Variants in ABHD2 observed in about 807,000 individuals in gnomAD.
ABHD2 encodes the protein monoacylglycerol lipase ABHD2.
ABHD2 carries 20 observed loss-of-function variants against 48.1 expected under a neutral mutation model. The ratio of observed to expected loss-of-function variants is 0.42; its 90% confidence interval spans 0.29 to 0.60. The LOEUF (loss-of-function observed/expected upper bound fraction) is 0.60, where lower values mean the gene tolerates loss of function less well. Ranked by LOEUF, ABHD2 falls within the 20% of genes least tolerant of loss-of-function variation. The pLI, the probability that ABHD2 is intolerant of heterozygous loss-of-function variation, is 0.24. For synonymous variants in ABHD2, 209 were observed against 214.2 expected, an observed-to-expected ratio of 0.98 and a Z score of 0.21; for missense variants, 405 against 550.9, an observed-to-expected ratio of 0.74 and a Z score of 2.65.
chr15:89,074,145 A>G, the ABHD2 span, among the ~76,000 whole-genome samples: 1 of 152,162 alleles, frequency 6.6e-6, no homozygotes, highest in Non-Finnish European at 1.5e-5. Flanking sequence ...AGGCCGAGGT[A>G]GGTGGATCAC....
At chr15:89,141,777 C>A (rs956983390) in intron 3 of ABHD2, among the ~76,000 whole-genome samples, 8 of 152,170 alleles carry the variant, frequency 5.3e-5, no homozygotes, top group African/African-American at 1.7e-4. Flanking sequence ...GCTTGGAAGC[C>A]CACGTTGACC....
In ABHD2 at chr15:89,198,462, C is replaced by A. The variant is rs1231124974; in HGVS notation, c.*3039C>A. 6.6e-6 allele frequency: 1 copy of A among 152,174 alleles called. No homozygotes were observed. The highest frequency in any genetic ancestry group is 1.5e-5 in the Non-Finnish European group (1 of 68,030). The allele number at this position is 152,174 out of a possible 1,614,324, so 9.4% of individuals were successfully genotyped here. On this transcript the variant is annotated 3_prime_UTR_variant, in exon 11 of 11. Coordinates refer to ENST00000352732, the MANE Select transcript of ABHD2 (RefSeq NM_152924.5). This position sits in a 1 kb window ranked among gnomAD's most constrained non-coding sequence, Gnocchi z 5.1. Reference sequence around the variant, plus strand: ...ACTTGAAGAAAACTGTTATCTTTTCCTGCTGTGAGTTTACACAAATGATTC... The same window carrying A: ...ACTTGAAGAAAACTGTTATCTTTTCATGCTGTGAGTTTACACAAATGATTC...
intron 3 of ABHD2, among the ~76,000 whole-genome samples, chr15:89,131,807 G>A (rs1380311963): frequency 1.3e-5 from 2 of 152,160 alleles, no homozygotes; most frequent in Non-Finnish European, 2.9e-5. Context: ...AGGGGAAAAT[G>A]TAAGTCTTAG....
intron 3 of ABHD2, among the ~76,000 whole-genome samples, chr15:89,117,613 C>T (rs1355504924): frequency 6.6e-6 from 1 of 152,208 alleles, no homozygotes; most frequent in Non-Finnish European, 1.5e-5. Flanking sequence ...TCTCAGGCTG[C>T]AGCTACTCAG....
the ABHD2 span, among the ~76,000 whole-genome samples, chr15:89,068,473 A>C: frequency 1.3e-5 from 2 of 152,060 alleles, no homozygotes. Flanking sequence ...GTCTTCACCC[A>C]CATGTCTGGT....
At chr15:89,163,179 T>C (rs2050788320) in intron 5 of ABHD2, among the ~76,000 whole-genome samples, 1 of 152,250 alleles carries the variant, frequency 6.6e-6, no homozygotes, top group Non-Finnish European at 1.5e-5. Context: ...TTTGCTGTTA[T>C]GCACCTGCCT....
At chr15:89,050,626 C>T in the ABHD2 span, among the ~76,000 whole-genome samples, 1 of 152,148 alleles carries the variant, frequency 6.6e-6, no homozygotes, top group Non-Finnish European at 1.5e-5. Flanking sequence ...GCAAGGGAGC[C>T]CACAAACTCA....
chr15:89,139,499 C>T (rs986992175), intron 3 of ABHD2, among the ~76,000 whole-genome samples: 1 of 152,156 alleles, frequency 6.6e-6, no homozygotes, highest in Non-Finnish European at 1.5e-5. Context: ...GTGTCCGGCT[C>T]TAATCTCTGT....
chr15:89,115,250 C>A (rs2049936296), intron 2 of ABHD2, among the ~76,000 whole-genome samples: 1 of 152,000 alleles, frequency 6.6e-6, no homozygotes, highest in Admixed American at 6.6e-5. Flanking sequence ...TTGTGATTTC[C>A]CTGATTTTTA....
At chr15:89,058,011 G>A in the ABHD2 span, among the ~76,000 whole-genome samples, 1 of 152,142 alleles carries the variant, frequency 6.6e-6, no homozygotes, top group Non-Finnish European at 1.5e-5. Context: ...TGGGGCGCCA[G>A]GCAAGAGAAC....
intron 3 of ABHD2, among the ~76,000 whole-genome samples, chr15:89,145,516 T>C (rs112830366): frequency 5.9e-4 from 90 of 152,274 alleles, no homozygotes; most frequent in African/African-American, 2.1e-3. Context: ...GATGGTTTAA[T>C]GTGGGCCGTG....
At chr15:89,115,400 G>A (rs2049941786) in intron 2 of ABHD2, among the ~76,000 whole-genome samples, 1 of 149,062 alleles carries the variant, frequency 6.7e-6, no homozygotes, top group African/African-American at 2.5e-5. Context: ...GTGTGTGTGT[G>A]TGTGTGTGTG....
At chr15:89,077,156 C>T in the ABHD2 span, among the ~76,000 whole-genome samples, 1 of 152,202 alleles carries the variant, frequency 6.6e-6, no homozygotes, top group Non-Finnish European at 1.5e-5. Context: ...GGCCCTTTCC[C>T]AGTCTCTACC....
the ABHD2 span, among the ~76,000 whole-genome samples, chr15:89,068,768 T>C: frequency 7.9e-6 from 1 of 125,912 alleles, no homozygotes; most frequent in Non-Finnish European, 1.7e-5. Context: ...TTTTTTTTTT[T>C]TTTTTTTTTT....
the ABHD2 span, among the ~76,000 whole-genome samples, chr15:89,059,060 C>A: frequency 6.6e-6 from 1 of 152,188 alleles, no homozygotes; most frequent in African/African-American, 2.4e-5. Flanking sequence ...ACGCAGAGAG[C>A]TGCCAAGTTG....
At chr15:89,149,438 T>C (rs1447197724) in intron 3 of ABHD2, among the ~76,000 whole-genome samples, 1 of 152,244 alleles carries the variant, frequency 6.6e-6, no homozygotes, top group Non-Finnish European at 1.5e-5. Flanking sequence ...TATATTCTGT[T>C]CATTGAAGCA....
chr15:89,190,904 A>G lies in ABHD2; in HGVS notation c.927-176A>G, dbSNP rs574621661. 1.7e-3 allele frequency among the ~76,000 whole-genome samples: 258 copies of G among 152,334 alleles called. 1 individual carries two copies. Among genetic ancestry groups the G allele is most frequent in the Non-Finnish European group, 2.7e-3 (187 of 68,030 alleles). On this transcript the variant is annotated intron_variant, in intron 8 of 10. Transcript: ENST00000352732. ...TTTCATTGATATGATGAGTTAGTGC[A>G]GGATCTGGAACAGTCATAAAATCAG...
chr15:89,055,245 C>T, the ABHD2 span, among the ~76,000 whole-genome samples: 1 of 151,790 alleles, frequency 6.6e-6, no homozygotes, highest in Non-Finnish European at 1.5e-5. Context: ...TAGTTTGTGT[C>T]CAGTTTTAAA....
In ABHD2 at chr15:89,100,174, A is replaced by G. The variant is rs1462938843; in HGVS notation, c.-107+11611A>G. Among the ~76,000 whole-genome samples, 4 of 152,196 alleles carry G rather than the reference A, an allele frequency of 2.6e-5. No homozygotes were observed. Among genetic ancestry groups the G allele is most frequent in the Non-Finnish European group, 5.9e-5 (4 of 68,032 alleles). ...GTCAAGACCAGACTAACCAGGCTTG[A>G]GGACCCAGACATTTGGCTCTGGACT... On this transcript the variant is annotated intron_variant, in intron 1 of 10. Transcript: ENST00000352732. This position sits in a 1 kb window ranked among gnomAD's most constrained non-coding sequence, Gnocchi z 4.4.
Sources: allele counts gnomAD v4.1 joint callset (sites outside exome capture counted in the v4.1 genomes callset), GRCh38; gene constraint gnomAD v4.1.1; non-coding constraint Gnocchi (gnomAD v3.1); transcripts MANE v1.5; gene names NCBI Gene and HGNC (gene_info 2026-07-23, HGNC 2026-07-21).